PCDHA9: variants seen among roughly 807,000 people sequenced by gnomAD.
PCDHA9 encodes protocadherin alpha-9.
In PCDHA9, 62 loss-of-function variants were observed where a neutral mutation model predicts 62.0. That is an observed-to-expected ratio of 1.00 (90% confidence interval 0.81 to 1.23). PCDHA9 has a LOEUF of 1.23. PCDHA9 is among the 50% of genes most tolerant of loss of function. The pLI is 0.00. For synonymous variants in PCDHA9, 557 were observed against 567.6 expected, an observed-to-expected ratio of 0.98 and a Z score of 0.27; for missense variants, 1,205 against 1,249.8, an observed-to-expected ratio of 0.96 and a Z score of 0.54.
In PCDHA9 at chr5:140,870,550, G is replaced by A. The variant is rs371515299; in HGVS notation, c.2394+19661G>A. On this transcript the variant is annotated intron_variant, in intron 1 of 3. Transcript: ENST00000532602. ...CACAGTGTCGGCGCGGGACGCGGAC[G>A]CGCAGGAGAACGCGCTGGTGTCCTA... 3.1e-6 allele frequency: 5 copies of A among 1,614,066 alleles called. No homozygotes were observed. In the African/African-American group the frequency reaches 6.7e-5, roughly 22 times the overall value.
At chr5:140,856,381 G>T in intron 1 of PCDHA9, 2 of 1,598,516 alleles carry the variant, frequency 1.3e-6, no homozygotes, top group South Asian at 1.1e-5. Context: ...TCGTGGACAG[G>T]CCGCTGCAGG....
At chr5:140,907,840 A>C (rs2073633940) in intron 1 of PCDHA9, among the ~76,000 whole-genome samples, 1 of 152,160 alleles carries the variant, frequency 6.6e-6, no homozygotes, top group South Asian at 2.1e-4. Context: ...TGTTTATTAA[A>C]ATCCTCCTCT....
rs575540619 is a variant in PCDHA9 at position 140,959,917 on chromosome 5, T to A, written c.2395-19032T>A. ...TTTATATCAGAAAAATCAAAGCCATTTGTAAAGCCCCATTACTTAGGCAGA... is the reference window on the plus strand; with the variant it reads ...TTTATATCAGAAAAATCAAAGCCATATGTAAAGCCCCATTACTTAGGCAGA... On this transcript the variant is annotated intron_variant, in intron 1 of 3. Transcript: ENST00000532602. 3.3e-5 allele frequency among the ~76,000 whole-genome samples: 5 copies of A among 152,296 alleles called. No homozygotes were observed. The East Asian group carries it at 9.6e-4, about 29-fold the overall frequency.
intron 2 of PCDHA9, among the ~76,000 whole-genome samples, chr5:140,980,141 T>C (rs1241352797): frequency 1.3e-5 from 2 of 152,164 alleles, no homozygotes; most frequent in Non-Finnish European, 2.9e-5. Context: ...CCAGAAACAT[T>C]CATGCATATA....
chr5:140,850,738 G>A lies in PCDHA9; in HGVS notation c.2243G>A (p.Trp748Ter). ...GTGTGTTCTAGCGCGGTGGGGAGTT[G>A]GTCGTACTCGCAGCAGAGGAGGCAG... Reference protein sequence around the residue: ...TLVCSSAVGSWSYSQQRRQRV... With the variant: ...TLVCSSAVGS Residue 748 changes from tryptophan to a stop codon, truncating the protein, a stop_gained, in exon 1 of 4, where the codon TGG (tryptophan) becomes TAG (stop). Transcript: ENST00000532602. LOFTEE classifies it high-confidence loss of function. 8 of 1,597,962 alleles carry A rather than the reference G, an allele frequency of 5.0e-6. 2 individuals carry two copies. The highest frequency in any genetic ancestry group is 6.9e-6 in the Non-Finnish European group (8 of 1,167,602).
chr5:140,966,753 C>G, intron 1 of PCDHA9: 3 of 1,433,176 alleles, frequency 2.1e-6, no homozygotes, highest in South Asian at 1.5e-5. Flanking sequence ...CTGCCTCCGC[C>G]GCGGCCAGTG....
At chr5:141,005,824 G>T (rs1380044629) in intron 3 of PCDHA9, among the ~76,000 whole-genome samples, 2 of 151,660 alleles carry the variant, frequency 1.3e-5, no homozygotes, top group African/African-American at 4.8e-5. Flanking sequence ...ATGGTGGCCT[G>T]TAGTCCCAGC....
intron 1 of PCDHA9, chr5:140,875,950 G>A: frequency 6.2e-7 from 1 of 1,614,166 alleles, no homozygotes; most frequent in South Asian, 1.1e-5. Flanking sequence ...CGCTTCTGAT[G>A]CGGATATCGG....
intron 3 of PCDHA9, among the ~76,000 whole-genome samples, chr5:140,985,628 T>C (rs1399381029): frequency 6.6e-6 from 1 of 152,116 alleles, no homozygotes; most frequent in Non-Finnish European, 1.5e-5. Flanking sequence ...TGTGTATTGC[T>C]CTTCTCATCC....
At chr5:140,984,405 C>T (rs782109046) in intron 3 of PCDHA9, among the ~76,000 whole-genome samples, 1 of 152,114 alleles carries the variant, frequency 6.6e-6, no homozygotes, top group Non-Finnish European at 1.5e-5. Context: ...GAGAACCTAT[C>T]TTTTTTACAG....
intron 1 of PCDHA9, chr5:140,870,883 C>T: frequency 1.9e-6 from 3 of 1,613,920 alleles, no homozygotes; most frequent in Middle Eastern, 1.6e-4. Flanking sequence ...GGCGAAGGTG[C>T]GCGCAGTGGA....
chr5:140,966,820 G>A, intron 1 of PCDHA9: 1 of 1,557,392 alleles, frequency 6.4e-7, no homozygotes, highest in Non-Finnish European at 8.7e-7. Context: ...GGCTCCGGCG[G>A]CCCATGCCCT....
intron 1 of PCDHA9, among the ~76,000 whole-genome samples, chr5:140,933,901 C>T (rs1218971055): frequency 4.0e-5 from 6 of 151,882 alleles, no homozygotes; most frequent in African/African-American, 1.2e-4. Context: ...AATATTTTGG[C>T]ATAAAGTTGT....
At chr5:140,929,122 G>A (rs782041922) in intron 1 of PCDHA9, 24 of 1,614,096 alleles carry the variant, frequency 1.5e-5, no homozygotes, top group Non-Finnish European at 1.8e-5. Flanking sequence ...CACCATAGAT[G>A]TCACTACAGT....
intron 1 of PCDHA9, among the ~76,000 whole-genome samples, chr5:140,962,643 T>G (rs1456773642): frequency 6.6e-6 from 1 of 152,222 alleles, no homozygotes; most frequent in Non-Finnish European, 1.5e-5. Context: ...GCCATCAAGT[T>G]ATGTGAAAAC....
intron 1 of PCDHA9, among the ~76,000 whole-genome samples, chr5:140,948,960 G>A (rs900113633): frequency 5.9e-5 from 9 of 151,550 alleles, no homozygotes; most frequent in Non-Finnish European, 1.2e-4. Context: ...TTAAAGCCAC[G>A]AATTTATTAG....
intron 3 of PCDHA9, among the ~76,000 whole-genome samples, chr5:140,983,886 T>C (rs1280409622): frequency 1.3e-5 from 2 of 152,206 alleles, no homozygotes; most frequent in Non-Finnish European, 2.9e-5. Flanking sequence ...CTGGCAACTT[T>C]AAGGGCATTC....
intron 1 of PCDHA9, among the ~76,000 whole-genome samples, chr5:140,961,052 G>A (rs942442138): frequency 7.9e-5 from 12 of 152,272 alleles, no homozygotes; most frequent in African/African-American, 2.9e-4. Flanking sequence ...TTAACAAAAT[G>A]TTGAATGGGA....
intron 1 of PCDHA9, chr5:140,859,719 T>C (rs1562546995): frequency 6.5e-6 from 1 of 154,108 alleles, no homozygotes; most frequent in Non-Finnish European, 1.4e-5. Flanking sequence ...CAAAAAAAAA[T>C]TGTGGCAAGA....
Sources: gnomAD v4.1 joint callset for allele counts (sites outside exome capture counted in the v4.1 genomes callset) on GRCh38, gnomAD v4.1.1 for gene constraint, MANE v1.5 for transcripts, NCBI Gene and HGNC (gene_info 2026-07-23, HGNC 2026-07-21) for gene names.